FHIT: variants seen among roughly 807,000 people sequenced by gnomAD.
The protein encoded by FHIT is bis(5'-adenosyl)-triphosphatase.
In FHIT, 19 loss-of-function variants were observed where a neutral mutation model predicts 17.9. That is an observed-to-expected ratio of 1.06 (90% confidence interval 0.74 to 1.56). The LOEUF (loss-of-function observed/expected upper bound fraction) is 1.56, where lower values mean the gene tolerates loss of function less well. Among genes scored for constraint, FHIT ranks in the 40% most tolerant of loss-of-function variants. The pLI, the probability that FHIT is intolerant of heterozygous loss-of-function variation, is 0.00. For synonymous variants in FHIT, 81 were observed against 69.7 expected (o/e 1.16, Z -0.81); for missense variants, 248 against 189.2 (o/e 1.31, Z -1.82).
chr3:60,330,475 T>C (rs1709914097), intron 5 of FHIT, among the ~76,000 whole-genome samples: 1 of 152,178 alleles, frequency 6.6e-6, no homozygotes, highest in Non-Finnish European at 1.5e-5. Context: ...TGTGTGCCCA[T>C]CCAGGCATGA....
chr3:60,427,278 T>C (rs906839532), intron 5 of FHIT, among the ~76,000 whole-genome samples: 2 of 152,094 alleles, frequency 1.3e-5, no homozygotes, highest in African/African-American at 2.4e-5. Flanking sequence ...AGCCGAAAGA[T>C]AATGGGTGCC....
intron 5 of FHIT, among the ~76,000 whole-genome samples, chr3:60,530,090 A>C (rs533823074): frequency 5.1e-4 from 78 of 152,326 alleles, no homozygotes; most frequent in Non-Finnish European, 8.8e-4. Flanking sequence ...TCCCATGCAC[A>C]GCACGGTCTG....
At chr3:59,769,544 C>A (rs955975616) in intron 8 of FHIT, among the ~76,000 whole-genome samples, 3 of 152,190 alleles carry the variant, frequency 2.0e-5, no homozygotes, top group African/African-American at 7.2e-5. Flanking sequence ...CCACGTATTA[C>A]ATTTTTAATC....
intron 5 of FHIT, among the ~76,000 whole-genome samples, chr3:60,195,411 C>G (rs1702581807): frequency 2.6e-5 from 4 of 151,516 alleles, no homozygotes. Flanking sequence ...TACTGGGTTT[C>G]TACCGAAAGG....
chr3:59,759,352 G>C (rs1298409102), intron 8 of FHIT, among the ~76,000 whole-genome samples: 4 of 152,164 alleles, frequency 2.6e-5, no homozygotes, highest in Non-Finnish European at 5.9e-5. Context: ...GAATTAAAGG[G>C]AGAAAGTGAT....
chr3:60,946,800 T>C (rs1294636842), intron 3 of FHIT, among the ~76,000 whole-genome samples: 1 of 152,084 alleles, frequency 6.6e-6, no homozygotes, highest in Non-Finnish European at 1.5e-5. Context: ...TGGGGAAGCC[T>C]CCTTAAGAGT....
chr3:60,050,629 G>A lies in FHIT; in HGVS notation c.104-36477C>T, dbSNP rs138211323. 5.1e-3 allele frequency among the ~76,000 whole-genome samples: 774 copies of A among 152,232 alleles called. 8 individuals are homozygous for A. The highest frequency in any genetic ancestry group is 0.017 in the African/African-American group (725 of 41,544). On this transcript the variant is annotated intron_variant, in intron 5 of 9. Coordinates refer to ENST00000492590, the MANE Select transcript of FHIT (RefSeq NM_002012.4). ...CTTATGCAGTCCACAGAATCCAGGC[G>A]CAGGATCCCCGAGTCTCACAGATTC...
chr3:60,685,128 C>T (rs1559638836), intron 4 of FHIT, among the ~76,000 whole-genome samples: 1 of 152,174 alleles, frequency 6.6e-6, no homozygotes, highest in Non-Finnish European at 1.5e-5. Context: ...AGCCCAAGCC[C>T]GTTGGCTTTG....
intron 4 of FHIT, chr3:60,690,789 A>G (rs1025162529): frequency 2.9e-5 from 10 of 341,676 alleles, no homozygotes; most frequent in Admixed American, 7.7e-5. Flanking sequence ...CTTAACTTCA[A>G]TTTCTCTCTC....
At chr3:61,004,320 G>T (rs1033827223) in intron 3 of FHIT, among the ~76,000 whole-genome samples, 40 of 152,142 alleles carry the variant, frequency 2.6e-4, no homozygotes, top group African/African-American at 9.4e-4. Context: ...TTTGCCCAGT[G>T]TACATATGCA....
chr3:60,443,861 G>A (rs2031114904), intron 5 of FHIT, among the ~76,000 whole-genome samples: 1 of 152,072 alleles, frequency 6.6e-6, no homozygotes, highest in African/African-American at 2.4e-5. Context: ...TTAAACTAAA[G>A]AGCTTCTGCA....
chr3:61,159,617 A>G (rs1576124608), intron 2 of FHIT, among the ~76,000 whole-genome samples: 1 of 152,204 alleles, frequency 6.6e-6, no homozygotes, highest in African/African-American at 2.4e-5. Flanking sequence ...TTCATTTAAC[A>G]TTATTAAATG....
chr3:60,376,883 T>C (rs895355570), intron 5 of FHIT, among the ~76,000 whole-genome samples: 6 of 152,178 alleles, frequency 3.9e-5, no homozygotes, highest in Admixed American at 1.3e-4. Context: ...AAGTGGACAG[T>C]GTGTATAAAG....
At chr3:59,944,217 A>T (rs1420229612) in intron 7 of FHIT, among the ~76,000 whole-genome samples, 1 of 152,222 alleles carries the variant, frequency 6.6e-6, no homozygotes, top group Non-Finnish European at 1.5e-5. Context: ...ACATACCTAT[A>T]GTACAATATC....
At chr3:60,915,057 T>A (rs1291083629) in intron 3 of FHIT, among the ~76,000 whole-genome samples, 1 of 152,240 alleles carries the variant, frequency 6.6e-6, no homozygotes, top group Non-Finnish European at 1.5e-5. Flanking sequence ...ACACTTGTTT[T>A]TTTACAGATT....
At chr3:60,130,750 G>A (rs1000529558) in intron 5 of FHIT, among the ~76,000 whole-genome samples, 139 of 22,380 alleles carry the variant, frequency 6.2e-3, no homozygotes, top group African/African-American at 0.024. Flanking sequence ...ATAGGGGTGT[G>A]TGTGTGTGTG....
chr3:59,838,158 C>A (rs918217118), intron 8 of FHIT, among the ~76,000 whole-genome samples: 1 of 152,106 alleles, frequency 6.6e-6, no homozygotes, highest in Admixed American at 6.5e-5. Context: ...CTAGCACAGG[C>A]CTTCCTCGCT....
intron 5 of FHIT, among the ~76,000 whole-genome samples, chr3:60,464,670 G>C (rs378022): frequency 0.5 from 75,552 of 151,888 alleles, 21,116 homozygotes; most frequent in African/African-American, 0.75. Context: ...GTTCCATCCA[G>C]GTTGTTGCAA....
chr3:60,285,662 C>T (rs907733472), intron 5 of FHIT, among the ~76,000 whole-genome samples: 1 of 152,132 alleles, frequency 6.6e-6, no homozygotes, highest in Admixed American at 6.6e-5. Context: ...CTAACTTAAC[C>T]AGTTTGAACA....
Sources: gnomAD v4.1 joint callset for allele counts (sites outside exome capture counted in the v4.1 genomes callset) on GRCh38, gnomAD v4.1.1 for gene constraint, MANE v1.5 for transcripts, NCBI Gene and HGNC (gene_info 2026-07-23, HGNC 2026-07-21) for gene names.